Variants in CCSER1 observed in about 807,000 individuals in gnomAD.
CCSER1 encodes the protein serine-rich coiled-coil domain-containing protein 1.
CCSER1 carries 41 observed loss-of-function variants against 82.0 expected under a neutral mutation model. That is an observed-to-expected ratio of 0.50 (90% CI 0.39 to 0.65). The LOEUF (loss-of-function observed/expected upper bound fraction) is 0.65, where lower values mean the gene tolerates loss of function less well. CCSER1 is among the 30% of genes least tolerant of loss of function. CCSER1 has a pLI of 0.00. For synonymous variants in CCSER1, 414 were observed against 383.9 expected (o/e 1.08, Z -0.92); for missense variants, 1,119 against 1,064.2 (o/e 1.05, Z -0.72).
At chr4:90,531,524 A>T (rs945004861) in intron 5 of CCSER1, among the ~76,000 whole-genome samples, 3 of 152,044 alleles carry the variant, frequency 2.0e-5, no homozygotes, top group Non-Finnish European at 4.4e-5. Context: ...GCAAACTATG[A>T]AGCTTTTTAA....
chr4:90,843,299 G>A (rs935853054), intron 8 of CCSER1, among the ~76,000 whole-genome samples: 1 of 152,082 alleles, frequency 6.6e-6, no homozygotes, highest in African/African-American at 2.4e-5. Flanking sequence ...TCTGCATCCA[G>A]TAAATGTAAT....
chr4:91,026,854 T>A (rs1213531611), intron 9 of CCSER1, among the ~76,000 whole-genome samples: 1 of 152,078 alleles, frequency 6.6e-6, no homozygotes, highest in Non-Finnish European at 1.5e-5. Flanking sequence ...AAGGTATGGC[T>A]TATTAGGCAG....
intron 7 of CCSER1, among the ~76,000 whole-genome samples, chr4:90,726,991 A>G (rs574710000): frequency 1.5e-3 from 229 of 152,284 alleles, no homozygotes; most frequent in Non-Finnish European, 2.0e-3. Context: ...AAGATAGTGT[A>G]TAATTCACAA....
chr4:91,376,774 ATACTT>A (rs1036944970), intron 10 of CCSER1, among the ~76,000 whole-genome samples: 16 of 152,096 alleles, frequency 1.1e-4, no homozygotes, highest in Admixed American at 3.3e-4. Flanking sequence ...TTTTATTACT[ATACTT>A]TAAGTTCTAG....
At chr4:90,801,326 T>C (rs897964521) in intron 7 of CCSER1, among the ~76,000 whole-genome samples, 13 of 152,202 alleles carry the variant, frequency 8.5e-5, no homozygotes, top group African/African-American at 3.1e-4. Flanking sequence ...AAATGTAATA[T>C]GTTTTCAATA....
chr4:90,326,098 AC>A (rs1408613981), intron 3 of CCSER1, among the ~76,000 whole-genome samples: 2 of 121,672 alleles, frequency 1.6e-5, no homozygotes, highest in Non-Finnish European at 3.2e-5. Flanking sequence ...TCACTCTTTC[AC>A]CCAGGCTGGA....
chr4:91,347,909 C>T (rs903190895), intron 10 of CCSER1, among the ~76,000 whole-genome samples: 2 of 151,100 alleles, frequency 1.3e-5, no homozygotes, highest in African/African-American at 2.4e-5. Context: ...ATAATCATGT[C>T]ACCACCTTAA....
In CCSER1 at chr4:90,918,771, A is replaced by G. The variant is rs548084686; in HGVS notation, c.2095-4599A>G. ...TCCAGTGTGTAAAATACACACACAC[A>G]CACACAAACACACACACACGGAGTT... On this transcript the variant is annotated intron_variant, in intron 8 of 10. Transcript: ENST00000509176. Among the ~76,000 whole-genome samples, 14 of 151,846 alleles carry G rather than the reference A, an allele frequency of 9.2e-5. 1 individual carries two copies. In the South Asian group the frequency reaches 1.0e-3, roughly 11 times the overall value.
rs147867288 is a variant in CCSER1, at chr4:91,176,037, C to T, written c.2217+90043C>T. On this transcript the variant is annotated intron_variant, in intron 10 of 10. Coordinates refer to ENST00000509176, the MANE Select transcript of CCSER1 (RefSeq NM_001145065.2). ...GAAGGGATCCAGTTTCAGCTTTCTACATATGGCTAGCCAGTTTTCCCAGCA... is the reference window on the plus strand; with the variant it reads ...GAAGGGATCCAGTTTCAGCTTTCTATATATGGCTAGCCAGTTTTCCCAGCA... Among the ~76,000 whole-genome samples, 1,507 of 152,314 alleles carry T rather than the reference C, an allele frequency of 9.9e-3. 9 individuals are homozygous for T. The highest frequency in any genetic ancestry group is 0.024 in the African/African-American group (1,015 of 41,558).
intron 10 of CCSER1, among the ~76,000 whole-genome samples, chr4:91,337,231 A>G (rs1459708289): frequency 2.0e-5 from 3 of 152,142 alleles, no homozygotes; most frequent in African/African-American, 7.2e-5. Context: ...TTTGAACTGA[A>G]TGCAGGTTAG....
At chr4:91,322,736 A>C (rs555218306) in intron 10 of CCSER1, among the ~76,000 whole-genome samples, 1 of 152,258 alleles carries the variant, frequency 6.6e-6, no homozygotes, top group Admixed American at 6.5e-5. Context: ...CTTCAGTTTA[A>C]AAAATAGATC....
intron 10 of CCSER1, among the ~76,000 whole-genome samples, chr4:91,155,572 G>A (rs1730731120): frequency 6.6e-6 from 1 of 151,890 alleles, no homozygotes; most frequent in African/African-American, 2.4e-5. Context: ...CAAGTAGAGA[G>A]GGTCAACTTT....
At chr4:91,173,698 C>G (rs1231420240) in intron 10 of CCSER1, among the ~76,000 whole-genome samples, 1 of 151,846 alleles carries the variant, frequency 6.6e-6, no homozygotes, top group Non-Finnish European at 1.5e-5. Context: ...TCACTACTCT[C>G]TCCAGGAAGC....
chr4:90,743,895 CT>C (rs1746959576), intron 7 of CCSER1, among the ~76,000 whole-genome samples: 1 of 152,082 alleles, frequency 6.6e-6, no homozygotes, highest in African/African-American at 2.4e-5. Context: ...AGCATTAGCC[CT>C]TTTTTGTCCC....
intron 3 of CCSER1, among the ~76,000 whole-genome samples, chr4:90,387,900 G>A (rs550097529): frequency 6.6e-5 from 10 of 152,258 alleles, no homozygotes; most frequent in Admixed American, 4.6e-4. Context: ...AGCCAGTTCT[G>A]TGAGTCCTTT....
chr4:91,167,578 C>G (rs189971170), intron 10 of CCSER1, among the ~76,000 whole-genome samples: 1 of 152,128 alleles, frequency 6.6e-6, no homozygotes, highest in Non-Finnish European at 1.5e-5. Context: ...TATGTAAATC[C>G]GTAAATTGAA....
At chr4:91,029,593 T>G (rs1374818623) in intron 9 of CCSER1, among the ~76,000 whole-genome samples, 1 of 152,050 alleles carries the variant, frequency 6.6e-6, no homozygotes, top group Non-Finnish European at 1.5e-5. Context: ...TGGGATTACA[T>G]GACCTGTTTT....
At chr4:90,735,100 A>G (rs2149419611) in intron 7 of CCSER1, among the ~76,000 whole-genome samples, 1 of 152,202 alleles carries the variant, frequency 6.6e-6, no homozygotes, top group East Asian at 1.9e-4. Context: ...ATTGCCCTTC[A>G]TTCTGTTGAC....
At chr4:91,501,981 T>C (rs1177700528) in intron 10 of CCSER1, among the ~76,000 whole-genome samples, 1 of 152,218 alleles carries the variant, frequency 6.6e-6, no homozygotes, top group African/African-American at 2.4e-5. Flanking sequence ...CCATTTGTGT[T>C]AGTTAATTGG....
Sources: allele counts gnomAD v4.1 joint callset (sites outside exome capture counted in the v4.1 genomes callset), GRCh38; gene constraint gnomAD v4.1.1; transcripts MANE v1.5; gene names NCBI Gene and HGNC (gene_info 2026-07-23, HGNC 2026-07-21).